NRXN1: variants seen among roughly 807,000 people sequenced by gnomAD.
NRXN1 encodes neurexin-1.
A neutral mutation model predicts 150.9 loss-of-function variants in NRXN1; 39 were observed. That is an observed-to-expected ratio of 0.26 (90% CI 0.20 to 0.34). The LOEUF is 0.34. Among genes scored for constraint, NRXN1 ranks in the 10% least tolerant of loss-of-function variants. The pLI is 1.00. For missense variants in NRXN1, 1,815 were observed against 1,949.9 expected (o/e 0.93, Z 1.30); for synonymous variants, 924 against 757.0 (o/e 1.22, Z -3.62).
chr2:50,935,964 T>A (rs960159599), intron 2 of NRXN1, among the ~76,000 whole-genome samples: 1 of 152,170 alleles, frequency 6.6e-6, no homozygotes, highest in Admixed American at 6.6e-5. Context: ...ATATCTTTAA[T>A]GATTATAGAA....
At chr2:50,603,816 G>A (rs1253427009) in intron 8 of NRXN1, among the ~76,000 whole-genome samples, 5 of 152,054 alleles carry the variant, frequency 3.3e-5, no homozygotes, top group South Asian at 2.1e-4. Context: ...AATGCATTGC[G>A]TTGCACTCCA....
intron 8 of NRXN1, among the ~76,000 whole-genome samples, chr2:50,575,255 G>C (rs979053430): frequency 3.3e-5 from 5 of 152,160 alleles, no homozygotes; most frequent in Non-Finnish European, 7.3e-5. Context: ...CTCAGTAATT[G>C]AGCTTCACCT....
At chr2:50,045,022 G>C (rs1691592096) in intron 21 of NRXN1, among the ~76,000 whole-genome samples, 1 of 152,118 alleles carries the variant, frequency 6.6e-6, no homozygotes, top group Non-Finnish European at 1.5e-5. Context: ...AAAGAGAATA[G>C]TGATAACAAG....
chr2:50,385,692 T>C (rs1314073323), intron 17 of NRXN1, among the ~76,000 whole-genome samples: 1 of 152,144 alleles, frequency 6.6e-6, no homozygotes, highest in African/African-American at 2.4e-5. Flanking sequence ...GAGCTGCCTT[T>C]TTTCAACCTT....
intron 19 of NRXN1, among the ~76,000 whole-genome samples, chr2:50,082,609 C>T (rs935048694): frequency 3.3e-5 from 5 of 152,098 alleles, no homozygotes; most frequent in African/African-American, 1.2e-4. Context: ...ATTAAAAACT[C>T]GCAAAACAGA....
intron 18 of NRXN1, among the ~76,000 whole-genome samples, chr2:50,098,666 A>G (rs890813323): frequency 6.6e-6 from 1 of 152,082 alleles, no homozygotes; most frequent in Non-Finnish European, 1.5e-5. Context: ...CACACAGCCA[A>G]TAATTATGGG....
intron 8 of NRXN1, among the ~76,000 whole-genome samples, chr2:50,587,682 T>A (rs189464011): frequency 1.3e-5 from 2 of 152,180 alleles, no homozygotes; most frequent in Admixed American, 6.5e-5. Flanking sequence ...ATATGAATAA[T>A]ATTTAGGATG....
intron 19 of NRXN1, among the ~76,000 whole-genome samples, chr2:50,082,888 T>C (rs1408713369): frequency 6.6e-6 from 1 of 152,196 alleles, no homozygotes; most frequent in African/African-American, 2.4e-5. Context: ...AGTATCCAAA[T>C]AGCAGATACC....
intron 2 of NRXN1, among the ~76,000 whole-genome samples, chr2:51,004,354 T>C (rs552350112): frequency 6.6e-6 from 1 of 152,168 alleles, no homozygotes; most frequent in Admixed American, 6.6e-5. Flanking sequence ...ATTTCTGTTT[T>C]TGGTTACTTC....
At chr2:50,788,592 TGA>T (rs943651194) in intron 5 of NRXN1, among the ~76,000 whole-genome samples, 2 of 151,404 alleles carry the variant, frequency 1.3e-5, no homozygotes, top group Admixed American at 6.6e-5. Context: ...CATGTGCGTG[TGA>T]GAGAGAGAGA....
At chr2:50,528,183 G>A (rs2093006020) in intron 12 of NRXN1, among the ~76,000 whole-genome samples, 1 of 152,022 alleles carries the variant, frequency 6.6e-6, no homozygotes, top group Non-Finnish European at 1.5e-5. Context: ...AATTTTCTAT[G>A]TCTATGTAAA....
chr2:50,979,759 C>G (rs1048418114), intron 2 of NRXN1, among the ~76,000 whole-genome samples: 3 of 152,118 alleles, frequency 2.0e-5, no homozygotes, highest in Non-Finnish European at 4.4e-5. Context: ...CCATCAGAGG[C>G]TACTCAGTAA....
chr2:50,504,018 G>A (rs1016888124), intron 13 of NRXN1, among the ~76,000 whole-genome samples: 1 of 151,752 alleles, frequency 6.6e-6, no homozygotes, highest in Non-Finnish European at 1.5e-5. Flanking sequence ...GCACAAACTG[G>A]TGACTTTATA....
chr2:51,016,654 T>A (rs1231496028), intron 2 of NRXN1, among the ~76,000 whole-genome samples: 1 of 152,086 alleles, frequency 6.6e-6, no homozygotes, highest in African/African-American at 2.4e-5. Context: ...ACACCTTTGG[T>A]GGGAGTTTAA....
intron 17 of NRXN1, among the ~76,000 whole-genome samples, chr2:50,380,298 G>C (rs552634806): frequency 6.7e-6 from 1 of 149,904 alleles, no homozygotes; most frequent in Admixed American, 6.7e-5. Context: ...GTGTGTGTGC[G>C]TGTGTGTGTG....
At chr2:50,407,940 C>T (rs2082871373) in intron 17 of NRXN1, among the ~76,000 whole-genome samples, 1 of 152,166 alleles carries the variant, frequency 6.6e-6, no homozygotes, top group African/African-American at 2.4e-5. Flanking sequence ...ATCGTCTTCT[C>T]ACTCATACTA....
At chr2:50,474,928 G>T (rs1347891262) in intron 15 of NRXN1, among the ~76,000 whole-genome samples, 1 of 148,520 alleles carries the variant, frequency 6.7e-6, no homozygotes, top group Non-Finnish European at 1.5e-5. Flanking sequence ...AATTGCCTGA[G>T]ATTGTACCTT....
intron 6 of NRXN1, 57 bp from the exon 7 acceptor site, chr2:50,621,306 T>G: frequency 6.9e-5 from 87 of 1,266,246 alleles, no homozygotes; most frequent in Non-Finnish European, 9.4e-5. Context: ...ATAACGATCG[T>G]TACTTAAAAA....
chr2:50,666,839 A>G (rs908894697), intron 5 of NRXN1, among the ~76,000 whole-genome samples: 74 of 144,986 alleles, frequency 5.1e-4, no homozygotes, highest in African/African-American at 1.6e-3. Flanking sequence ...AGCATAAAAT[A>G]ATGATGATGA....
Sources: allele counts gnomAD v4.1 joint callset (sites outside exome capture counted in the v4.1 genomes callset), GRCh38; gene constraint gnomAD v4.1.1; transcripts MANE v1.5; gene names NCBI Gene and HGNC (gene_info 2026-07-23, HGNC 2026-07-21).